Variants in SGCZ observed in about 807,000 individuals in gnomAD.
SGCZ encodes zeta-sarcoglycan.
Under a neutral mutation model 41.3 loss-of-function variants are expected in SGCZ, and 40 were observed. That is an observed-to-expected ratio of 0.97 (90% CI 0.75 to 1.26). The LOEUF is 1.26. Among genes scored for constraint, SGCZ ranks in the 50% most tolerant of loss-of-function variants. The probability of loss-of-function intolerance (pLI) is 0.00; values close to 1 mark genes in which losing one functional copy is unlikely to be tolerated. For missense variants in SGCZ, 552 were observed against 369.8 expected (o/e 1.49, Z -4.04); for synonymous variants, 206 against 137.5 (o/e 1.50, Z -3.49).
At chr8:14,477,758 G>A (rs979329492) in intron 2 of SGCZ, among the ~76,000 whole-genome samples, 1 of 152,118 alleles carries the variant, frequency 6.6e-6, no homozygotes, top group African/African-American at 2.4e-5. Flanking sequence ...TAAAAGAGAA[G>A]GAAATGTAGG....
chr8:14,414,540 A>T (rs568577745), intron 2 of SGCZ, among the ~76,000 whole-genome samples: 13 of 152,112 alleles, frequency 8.5e-5, no homozygotes, highest in Non-Finnish European at 1.8e-4. Flanking sequence ...AATTAAACTT[A>T]TAAACCTCTT....
intron 7 of SGCZ, among the ~76,000 whole-genome samples, chr8:14,100,593 T>C (rs1265629381): frequency 7.2e-6 from 1 of 138,906 alleles, no homozygotes; most frequent in Non-Finnish European, 1.6e-5. Context: ...TAATATATTA[T>C]ATTTTATTAA....
intron 3 of SGCZ, among the ~76,000 whole-genome samples, chr8:14,298,258 T>A (rs111252435): frequency 0.012 from 1,842 of 152,134 alleles, 43 homozygotes; most frequent in African/African-American, 0.041. Context: ...AATATCATAC[T>A]GAATAGAAAA....
chr8:14,362,091 G>A (rs189349729), intron 2 of SGCZ, among the ~76,000 whole-genome samples: 6 of 152,252 alleles, frequency 3.9e-5, no homozygotes, highest in Admixed American at 6.5e-5. Context: ...TGTTTGAGGT[G>A]TCTGTCAGCC....
intron 1 of SGCZ, among the ~76,000 whole-genome samples, chr8:14,675,981 G>C (rs1438142258): frequency 3.9e-5 from 6 of 152,154 alleles, no homozygotes; most frequent in Non-Finnish European, 7.3e-5. Flanking sequence ...CACCTGCAGA[G>C]TGGTTCCTTA....
chr8:14,246,526 G>A (rs1314050824), intron 3 of SGCZ, among the ~76,000 whole-genome samples: 1 of 151,458 alleles, frequency 6.6e-6, no homozygotes, highest in Non-Finnish European at 1.5e-5. Flanking sequence ...CAGCACACCA[G>A]CATGGCACAT....
intron 1 of SGCZ, among the ~76,000 whole-genome samples, chr8:15,079,049 G>A (rs1226787022): frequency 1.3e-5 from 2 of 152,010 alleles, no homozygotes; most frequent in African/African-American, 2.4e-5. Context: ...AATCCTTACA[G>A]AGTCTCCCAG....
At chr8:14,277,901 GAAAAAGA>G (rs747437319) in intron 3 of SGCZ, among the ~76,000 whole-genome samples, 3 of 151,740 alleles carry the variant, frequency 2.0e-5, no homozygotes, top group Non-Finnish European at 2.9e-5. Context: ...CAGAGAGAGA[GAAAAAGA>G]AAAAAGAAAA....
intron 4 of SGCZ, among the ~76,000 whole-genome samples, chr8:14,205,452 G>A (rs1319613060): frequency 2.0e-5 from 3 of 152,098 alleles, no homozygotes; most frequent in African/African-American, 7.2e-5. Context: ...ATGTCCAATT[G>A]ATACATGTTT....
chr8:14,371,862 A>G (rs1418368978), intron 2 of SGCZ, among the ~76,000 whole-genome samples: 1 of 152,158 alleles, frequency 6.6e-6, no homozygotes, highest in Non-Finnish European at 1.5e-5. Flanking sequence ...AAAGAGCTAA[A>G]TTTATAGAAT....
At chr8:14,148,023 A>G (rs1803580593) in intron 5 of SGCZ, among the ~76,000 whole-genome samples, 1 of 152,130 alleles carries the variant, frequency 6.6e-6, no homozygotes, top group Non-Finnish European at 1.5e-5. Flanking sequence ...CCTAAACACA[A>G]CATACCAAAA....
chr8:14,277,959 G>T (rs1431864655), intron 3 of SGCZ, among the ~76,000 whole-genome samples: 1 of 152,106 alleles, frequency 6.6e-6, no homozygotes, highest in Admixed American at 6.6e-5. Context: ...TCATCGCCAT[G>T]CCCAGACAGA....
intron 1 of SGCZ, among the ~76,000 whole-genome samples, chr8:15,141,687 A>AC (rs1808326836): frequency 1.3e-5 from 2 of 152,150 alleles, no homozygotes; most frequent in Non-Finnish European, 2.9e-5. Flanking sequence ...GAGGATCACG[A>AC]GGTCAGGAGA....
chr8:14,454,067 T>C (rs1800673315), intron 2 of SGCZ, among the ~76,000 whole-genome samples: 2 of 152,212 alleles, frequency 1.3e-5, no homozygotes, highest in South Asian at 4.1e-4. Context: ...TTCCAGTTGC[T>C]ATCTACGATG....
At chr8:14,330,307 G>A (rs746487775) in intron 2 of SGCZ, among the ~76,000 whole-genome samples, 86 of 152,046 alleles carry the variant, frequency 5.7e-4, no homozygotes, top group Middle Eastern at 3.4e-3. Context: ...TTGTTGAATT[G>A]AATAGAATTT....
chr8:14,564,738 T>C (rs1429454931), intron 1 of SGCZ, among the ~76,000 whole-genome samples: 1 of 152,176 alleles, frequency 6.6e-6, no homozygotes, highest in South Asian at 2.1e-4. Context: ...TTATGTGGTG[T>C]GAACTTTCCA....
chr8:14,720,912 GT>G (rs3069629), intron 1 of SGCZ, among the ~76,000 whole-genome samples: 3,833 of 151,204 alleles, frequency 0.025, 72 homozygotes, highest in South Asian at 0.071. Flanking sequence ...CATGGAAACT[GT>G]TTTTTTTTTA....
At chr8:14,479,740 T>TTTTTTC (rs1554524339) in intron 2 of SGCZ, among the ~76,000 whole-genome samples, 3,305 of 65,922 alleles carry the variant, frequency 0.05, 187 homozygotes, top group East Asian at 0.29. Flanking sequence ...TCTTTTTTTT[T>TTTTTTC]TTTTTTTTTT....
chr8:14,167,818 A>G (rs1804254119), intron 4 of SGCZ, among the ~76,000 whole-genome samples: 1 of 152,178 alleles, frequency 6.6e-6, no homozygotes, highest in Non-Finnish European at 1.5e-5. Context: ...GTCTTAATCA[A>G]CAGCCAAAGT....
Sources: gnomAD v4.1 joint callset for allele counts (sites outside exome capture counted in the v4.1 genomes callset) on GRCh38, gnomAD v4.1.1 for gene constraint, MANE v1.5 for transcripts, NCBI Gene and HGNC (gene_info 2026-07-23, HGNC 2026-07-21) for gene names.